The following EPHA6 variants were observed in gnomAD, a reference collection of about 807,000 sequenced individuals.
EPHA6 encodes the protein EPH receptor A6.
Under a neutral mutation model 112.0 loss-of-function variants are expected in EPHA6, and 50 were observed. The observed-to-expected ratio is 0.45, with a 90% confidence interval of 0.36 to 0.56. EPHA6 has a LOEUF of 0.56. Among genes scored for constraint, EPHA6 ranks in the 20% least tolerant of loss-of-function variants. EPHA6 has a pLI of 0.00. For synonymous variants in EPHA6, 529 were observed against 490.7 expected, an observed-to-expected ratio of 1.08 and a Z score of -1.03; for missense variants, 1,280 against 1,417.4, an observed-to-expected ratio of 0.90 and a Z score of 1.56.
chr3:97,292,146 C>T (rs549930748), intron 5 of EPHA6, among the ~76,000 whole-genome samples: 3 of 152,346 alleles, frequency 2.0e-5, no homozygotes, highest in South Asian at 2.1e-4. Context: ...GCTTCCGCTG[C>T]GGGCACCAGT....
At position 96,841,480 on chromosome 3, in the gene EPHA6, G is replaced by A. The variant is rs180870874; in HGVS notation, c.386-25345G>A. Among the ~76,000 whole-genome samples, 22 of 152,126 alleles carry A rather than the reference G, an allele frequency of 1.4e-4. 1 individual carries two copies. In the East Asian group the frequency reaches 4.3e-3, roughly 30 times the overall value. ...AAATTTTCTAGCCGGCTTTGTGGTTGGGAAAGGCCATGTGACTAGTTTGTC... is the reference window on the plus strand; with the variant it reads ...AAATTTTCTAGCCGGCTTTGTGGTTAGGAAAGGCCATGTGACTAGTTTGTC... On this transcript the variant is annotated intron_variant, in intron 1 of 17. Coordinates refer to ENST00000389672, the MANE Select transcript of EPHA6 (RefSeq NM_001080448.3).
chr3:97,256,488 CTAAT>C (rs1170421129), intron 5 of EPHA6, among the ~76,000 whole-genome samples: 1 of 151,896 alleles, frequency 6.6e-6, no homozygotes, highest in African/African-American at 2.4e-5. Context: ...ACTAAGAAGA[CTAAT>C]TATGTTTAGG....
At chr3:97,351,410 G>T (rs2083808353) in intron 5 of EPHA6, among the ~76,000 whole-genome samples, 1 of 152,164 alleles carries the variant, frequency 6.6e-6, no homozygotes, top group African/African-American at 2.4e-5. Flanking sequence ...TTTTTGTTAT[G>T]CTTGCTTTTG....
intron 2 of EPHA6, among the ~76,000 whole-genome samples, chr3:96,894,556 A>T (rs900130362): frequency 3.9e-5 from 6 of 152,120 alleles, no homozygotes; most frequent in African/African-American, 1.4e-4. Context: ...GGATGACTGC[A>T]TGAAGAACCT....
intron 7 of EPHA6, among the ~76,000 whole-genome samples, chr3:97,452,025 A>G (rs1323300510): frequency 6.6e-6 from 1 of 151,912 alleles, no homozygotes; most frequent in Non-Finnish European, 1.5e-5. Flanking sequence ...ACTTTGTTCA[A>G]CTTTGACTTT....
At chr3:96,819,496 T>C (rs2033082110) in intron 1 of EPHA6, among the ~76,000 whole-genome samples, 1 of 152,012 alleles carries the variant, frequency 6.6e-6, no homozygotes, top group Non-Finnish European at 1.5e-5. Flanking sequence ...CTCCATTTGT[T>C]CTAAATGGTG....
At position 97,080,021 on chromosome 3, in the gene EPHA6, C is replaced by T. The variant is rs554135486; in HGVS notation, c.1114+92028C>T. Among the ~76,000 whole-genome samples the T allele has an allele frequency of 2.0e-5, 3 of 151,856 alleles. No individual in the cohort carries two copies. The South Asian group carries it at 6.2e-4, about 32-fold the overall frequency. On this transcript the variant is annotated intron_variant, in intron 3 of 17. Transcript: ENST00000389672. ...CATAACGTTAATATGCACTTGGAAA[C>T]CAAAGGGTCTGTGTGACTTGCTTTA... is the stretch of plus-strand genomic sequence containing the variant.
At chr3:97,284,197 A>C (rs2080385690) in intron 5 of EPHA6, among the ~76,000 whole-genome samples, 1 of 152,178 alleles carries the variant, frequency 6.6e-6, no homozygotes, top group South Asian at 2.1e-4. Context: ...TTTGCATAAA[A>C]GTATAGTCAA....
chr3:97,637,782 C>A, intron 13 of EPHA6, 91 bp from the exon 14 acceptor site: 2 of 906,074 alleles, frequency 2.2e-6, no homozygotes, highest in Non-Finnish European at 3.5e-6. Context: ...TCATTTGATC[C>A]AATAAAATAA....
chr3:96,984,773 C>G (rs1382848625), intron 2 of EPHA6, among the ~76,000 whole-genome samples: 1 of 152,056 alleles, frequency 6.6e-6, no homozygotes, highest in Non-Finnish European at 1.5e-5. Flanking sequence ...TCCCCCAGCC[C>G]TGCTGCCTTG....
chr3:97,492,656 T>C (rs915559082), intron 10 of EPHA6, among the ~76,000 whole-genome samples: 1 of 131,414 alleles, frequency 7.6e-6, no homozygotes, highest in Non-Finnish European at 1.6e-5. Flanking sequence ...ATATATAAGG[T>C]AGAAAGGAGG....
chr3:97,702,240 T>A (rs1057051456), intron 14 of EPHA6, among the ~76,000 whole-genome samples: 1 of 152,200 alleles, frequency 6.6e-6, no homozygotes, highest in Non-Finnish European at 1.5e-5. Context: ...TCAACTTTTG[T>A]GAAGATCAAT....
intron 6 of EPHA6, among the ~76,000 whole-genome samples, chr3:97,424,471 A>G (rs1218190286): frequency 6.6e-6 from 1 of 152,120 alleles, no homozygotes; most frequent in Non-Finnish European, 1.5e-5. Flanking sequence ...CTTAGCTGAG[A>G]CAAGGCAAGT....
chr3:97,550,297 C>T (rs562859093), intron 11 of EPHA6, among the ~76,000 whole-genome samples: 144 of 152,272 alleles, frequency 9.5e-4, no homozygotes, highest in African/African-American at 3.3e-3. Context: ...TGTGGATGAC[C>T]CAGTCCCTCT....
At chr3:96,851,839 A>T (rs1022456954) in intron 1 of EPHA6, among the ~76,000 whole-genome samples, 2 of 152,162 alleles carry the variant, frequency 1.3e-5, no homozygotes, top group Admixed American at 1.3e-4. Context: ...GGTGAGAAAA[A>T]AAAACGCTTG....
intron 5 of EPHA6, among the ~76,000 whole-genome samples, chr3:97,383,494 GTT>G (rs1313400477): frequency 5.9e-5 from 9 of 152,040 alleles, no homozygotes; most frequent in African/African-American, 2.2e-4. Context: ...AGTATTTTCA[GTT>G]AATCAAGTAC....
At chr3:97,071,645 C>T (rs796205885) in intron 3 of EPHA6, among the ~76,000 whole-genome samples, 158 of 152,152 alleles carry the variant, frequency 1.0e-3, no homozygotes, top group African/African-American at 3.7e-3. Context: ...CTCCCTGGGT[C>T]CCTCCCACAA....
chr3:97,423,959 T>C (rs952023258), intron 6 of EPHA6, among the ~76,000 whole-genome samples: 1 of 152,194 alleles, frequency 6.6e-6, no homozygotes, highest in African/African-American at 2.4e-5. Context: ...ATGCAGAAGA[T>C]TGAAACCGGC....
intron 5 of EPHA6, among the ~76,000 whole-genome samples, chr3:97,302,030 G>A (rs373906096): frequency 3.3e-5 from 5 of 151,944 alleles, no homozygotes; most frequent in African/African-American, 9.7e-5. Context: ...TTTGACTTCT[G>A]TTTGCCAGTT....
Sources: gnomAD v4.1 joint callset for allele counts (sites outside exome capture counted in the v4.1 genomes callset) on GRCh38, gnomAD v4.1.1 for gene constraint, MANE v1.5 for transcripts, NCBI Gene and HGNC (gene_info 2026-07-23, HGNC 2026-07-21) for gene names.